DACH2: variants seen among roughly 807,000 people sequenced by gnomAD.
The protein encoded by DACH2 is dachshund family transcription factor 2.
A neutral mutation model predicts 35.8 loss-of-function variants in DACH2; 17 were observed. That is an observed-to-expected ratio of 0.48 (90% CI 0.33 to 0.71). The LOEUF is 0.71. DACH2 is among the 30% of genes least tolerant of loss of function. DACH2 has a pLI of 0.02. For synonymous variants in DACH2, 195 were observed against 177.3 expected (o/e 1.10, Z -0.79); for missense variants, 469 against 472.7 (o/e 0.99, Z 0.07).
At chrX:86,662,912 CATAT>C (rs1455580870) in intron 4 of DACH2, among the ~76,000 whole-genome samples, 21 of 111,176 alleles carry the variant, frequency 1.9e-4, no homozygotes, top group African/African-American at 6.5e-4. Flanking sequence ...GCGCTATACA[CATAT>C]ATAGTCTTTA....
At chrX:86,712,479 A>G (rs187301731) in intron 5 of DACH2, among the ~76,000 whole-genome samples, 24 of 110,586 alleles carry the variant, frequency 2.2e-4, no homozygotes, top group Admixed American at 1.9e-3. Flanking sequence ...TAATGGATAT[A>G]TTAATTAGCT....
chrX:86,493,877 T>C (rs2038129180), intron 2 of DACH2, among the ~76,000 whole-genome samples: 1 of 112,136 alleles, frequency 8.9e-6, no homozygotes, highest in African/African-American at 3.2e-5. Context: ...GTTTCATCAA[T>C]TGCTAGAGAC....
chrX:86,238,160 T>G (rs1277306036), intron 1 of DACH2, among the ~76,000 whole-genome samples: 2 of 112,465 alleles, frequency 1.8e-5, no homozygotes, highest in Non-Finnish European at 3.8e-5. Context: ...TTAACCCTAA[T>G]CACTCTTTTT....
intron 2 of DACH2, among the ~76,000 whole-genome samples, chrX:86,398,031 G>C (rs1455672959): frequency 2.7e-5 from 3 of 111,528 alleles, no homozygotes; most frequent in African/African-American, 9.8e-5. Flanking sequence ...GGACTTTTTG[G>C]TTGGTAAGCT....
intron 2 of DACH2, among the ~76,000 whole-genome samples, chrX:86,383,357 C>T (rs2036074870): frequency 9.3e-6 from 1 of 107,946 alleles, no homozygotes; most frequent in Admixed American, 1.0e-4. Flanking sequence ...CCTTTATCAC[C>T]TGCATTATTC....
chrX:86,293,366 C>G (rs968714154), intron 1 of DACH2, among the ~76,000 whole-genome samples: 54 of 109,569 alleles, frequency 4.9e-4, no homozygotes, highest in Admixed American at 2.5e-3. Flanking sequence ...ACTGATGGGT[C>G]TTGACTATCC....
At chrX:86,795,162 T>C (rs2042222405) in intron 7 of DACH2, among the ~76,000 whole-genome samples, 2 of 109,828 alleles carry the variant, frequency 1.8e-5, no homozygotes, top group Admixed American at 1.9e-4. Flanking sequence ...AGTGACCAAA[T>C]AGAATTAAGG....
At chrX:86,383,759 A>C (rs894078743) in intron 2 of DACH2, among the ~76,000 whole-genome samples, 5 of 108,345 alleles carry the variant, frequency 4.6e-5, no homozygotes, top group African/African-American at 1.7e-4. Flanking sequence ...ATGCAGAGTG[A>C]CTAAGATAAT....
At chrX:86,619,354 A>G in intron 3 of DACH2, among the ~76,000 whole-genome samples, 1 of 111,899 alleles carries the variant, frequency 8.9e-6, no homozygotes, top group African/African-American at 3.2e-5. Flanking sequence ...TCTTGCAACT[A>G]AAAAAACCTT....
chrX:86,441,659 C>A (rs1328089103), intron 2 of DACH2, among the ~76,000 whole-genome samples: 1 of 109,469 alleles, frequency 9.1e-6, no homozygotes, highest in Non-Finnish European at 1.9e-5. Flanking sequence ...TGGGTATACA[C>A]CTAGTAGTGA....
At chrX:86,539,190 A>G (rs781723396) in intron 3 of DACH2, among the ~76,000 whole-genome samples, 2 of 110,738 alleles carry the variant, frequency 1.8e-5, no homozygotes, top group East Asian at 5.8e-4. Context: ...ATGAGTTCTC[A>G]TGGGATCTGA....
chrX:86,364,277 T>C (rs1378956675), intron 1 of DACH2, among the ~76,000 whole-genome samples: 1 of 111,630 alleles, frequency 9.0e-6, no homozygotes, highest in Non-Finnish European at 1.9e-5. Context: ...AAGTGGGTGG[T>C]CTTTCATTGC....
intron 3 of DACH2, among the ~76,000 whole-genome samples, chrX:86,599,519 A>T (rs186433657): frequency 0.036 from 309 of 8,686 alleles, 1 homozygote; most frequent in African/African-American, 0.069. Context: ...TCTTTCTTTC[A>T]AAGAGTCTCT....
At chrX:86,540,086 G>A (rs757094249) in intron 3 of DACH2, among the ~76,000 whole-genome samples, 1 of 111,816 alleles carries the variant, frequency 8.9e-6, no homozygotes, top group Non-Finnish European at 1.9e-5. Context: ...GTTTAGCTAT[G>A]ATAAACTCAA....
chrX:86,469,270 G>A (rs992357516), intron 2 of DACH2, among the ~76,000 whole-genome samples: 1 of 110,565 alleles, frequency 9.0e-6, no homozygotes, highest in Non-Finnish European at 1.9e-5. Context: ...ATACATTCAA[G>A]GTTTCTATTG....
chrX:86,641,361 T>C (rs1469842574), intron 3 of DACH2, among the ~76,000 whole-genome samples: 1 of 111,699 alleles, frequency 9.0e-6, no homozygotes, highest in Non-Finnish European at 1.9e-5. Context: ...ATCCTGGAAC[T>C]TGAAGACTGG....
intron 1 of DACH2, among the ~76,000 whole-genome samples, chrX:86,293,904 G>T (rs4534268): frequency 9.1e-6 from 1 of 109,833 alleles, no homozygotes; most frequent in African/African-American, 3.3e-5. Flanking sequence ...TATGTGTCTT[G>T]GAGGTGCTCT....
intron 2 of DACH2, among the ~76,000 whole-genome samples, chrX:86,391,381 G>A (rs2036201078): frequency 9.9e-6 from 1 of 100,557 alleles, no homozygotes; most frequent in Admixed American, 1.1e-4. Context: ...TAGACAATAC[G>A]TTTTGAGGTT....
chrX:86,570,311 ACAACAG>A (rs2039349244), intron 3 of DACH2, among the ~76,000 whole-genome samples: 1 of 111,619 alleles, frequency 9.0e-6, no homozygotes, highest in South Asian at 3.8e-4. Context: ...AGCACTATTC[ACAACAG>A]CAAAGACATG....
Sources: allele counts gnomAD v4.1 joint callset (sites outside exome capture counted in the v4.1 genomes callset), GRCh38; gene constraint gnomAD v4.1.1; transcripts MANE v1.5; gene names NCBI Gene and HGNC (gene_info 2026-07-23, HGNC 2026-07-21).